Variants in DOCK1 observed in about 807,000 individuals in gnomAD.
DOCK1 encodes dedicator of cytokinesis 1.
Under a neutral mutation model 262.7 loss-of-function variants are expected in DOCK1, and 138 were observed. That is an observed-to-expected ratio of 0.53 (90% CI 0.46 to 0.61). The LOEUF is 0.61. DOCK1 is among the 20% of genes least tolerant of loss of function. The pLI, the probability that DOCK1 is intolerant of heterozygous loss-of-function variation, is 0.00. For missense variants in DOCK1, 1,908 were observed against 2,370.7 expected (o/e 0.80, Z 4.05); for synonymous variants, 866 against 867.4 (o/e 1.00, Z 0.03).
At chr10:127,040,490 TG>T (rs2043948648) in intron 19 of DOCK1, among the ~76,000 whole-genome samples, 1 of 152,218 alleles carries the variant, frequency 6.6e-6, no homozygotes, top group African/African-American at 2.4e-5. Context: ...ATGCTGGGCA[TG>T]CTGGACATCC....
chr10:126,908,448 A>AACGAATC (rs2031270667), intron 1 of DOCK1, among the ~76,000 whole-genome samples: 1 of 152,172 alleles, frequency 6.6e-6, no homozygotes, highest in Non-Finnish European at 1.5e-5. Context: ...TTGGCCCATG[A>AACGAATC]ACGAATCACG....
intron 29 of DOCK1, among the ~76,000 whole-genome samples, chr10:127,332,723 A>G (rs1302060697): frequency 3.9e-5 from 6 of 152,104 alleles, no homozygotes; most frequent in Non-Finnish European, 8.8e-5. Flanking sequence ...CTTAGAAGTC[A>G]CTTCTTTCCA....
chr10:127,214,540 TA>T (rs2058119983), intron 27 of DOCK1, among the ~76,000 whole-genome samples: 2 of 152,328 alleles, frequency 1.3e-5, no homozygotes, highest in African/African-American at 4.8e-5. Flanking sequence ...CTTAGCTGAA[TA>T]ATACTCCTGT....
chr10:127,375,124 T>C (rs2065419029), intron 35 of DOCK1, among the ~76,000 whole-genome samples: 1 of 152,214 alleles, frequency 6.6e-6, no homozygotes, highest in African/African-American at 2.4e-5. Context: ...GTCATTGTGG[T>C]CCCTAATCCA....
intron 1 of DOCK1, among the ~76,000 whole-genome samples, chr10:126,909,271 A>C (rs1243883943): frequency 6.6e-6 from 1 of 152,132 alleles, no homozygotes; most frequent in Non-Finnish European, 1.5e-5. Context: ...AGTTACAAAG[A>C]ATTGGATCCT....
At chr10:127,017,090 C>T (rs2042013895) in intron 12 of DOCK1, among the ~76,000 whole-genome samples, 1 of 101,032 alleles carries the variant, frequency 9.9e-6, no homozygotes, top group African/African-American at 4.1e-5. Flanking sequence ...AGATACACCA[C>T]AAACACATAC....
intron 1 of DOCK1, among the ~76,000 whole-genome samples, chr10:126,925,705 TACAC>T (rs1243883485): frequency 1.3e-5 from 2 of 149,540 alleles, no homozygotes; most frequent in East Asian, 2.0e-4. Context: ...TCTAAACACA[TACAC>T]ACACATTGCA....
intron 23 of DOCK1, among the ~76,000 whole-genome samples, chr10:127,104,166 G>T (rs1342313149): frequency 1.3e-5 from 2 of 152,106 alleles, no homozygotes; most frequent in East Asian, 3.9e-4. Flanking sequence ...TGTGTATTCT[G>T]TGTACTAATC....
intron 21 of DOCK1, among the ~76,000 whole-genome samples, chr10:127,045,069 G>A (rs531134104): frequency 1.5e-4 from 23 of 151,956 alleles, no homozygotes; most frequent in African/African-American, 5.3e-4. Flanking sequence ...GTGGTGGCAC[G>A]TGCCTGTAGT....
At chr10:127,188,387 T>TA (rs1432053891) in intron 27 of DOCK1, among the ~76,000 whole-genome samples, 2 of 152,204 alleles carry the variant, frequency 1.3e-5, no homozygotes, top group African/African-American at 2.4e-5. Flanking sequence ...CACTTTTTTT[T>TA]ATGTATATAT....
At chr10:127,167,717 G>C (rs746771684) in intron 27 of DOCK1, among the ~76,000 whole-genome samples, 1 of 151,974 alleles carries the variant, frequency 6.6e-6, no homozygotes, top group African/African-American at 2.4e-5. Context: ...CGCTACATCA[G>C]CTCCCCTGCC....
In DOCK1 at chr10:127,353,638, C is replaced by T. The variant is rs998353623; in HGVS notation, c.3225-1031C>T. ...GTCCTGGTAGGGAGTGGCCTAGGCT[C>T]CAGTTCCTTTTCTTCACCAGCACTG... On this transcript the variant is annotated intron_variant, in intron 31 of 51. Transcript: ENST00000623213. 2.0e-5 allele frequency among the ~76,000 whole-genome samples: 3 copies of T among 152,238 alleles called. No individual in the cohort carries two copies. In the South Asian group the frequency reaches 6.2e-4, roughly 31 times the overall value.
At chr10:127,316,199 T>G (rs1446330537) in intron 29 of DOCK1, among the ~76,000 whole-genome samples, 2 of 152,190 alleles carry the variant, frequency 1.3e-5, no homozygotes, top group Non-Finnish European at 2.9e-5. Context: ...CGTAGCAAAT[T>G]TCCAGCATAT....
intron 23 of DOCK1, among the ~76,000 whole-genome samples, chr10:127,062,316 T>C (rs2045588819): frequency 6.6e-6 from 1 of 152,214 alleles, no homozygotes; most frequent in Non-Finnish European, 1.5e-5. Flanking sequence ...GATATTTCAG[T>C]ACAGGTATAC....
At chr10:127,054,043 A>T (rs1564766504) in intron 22 of DOCK1, among the ~76,000 whole-genome samples, 1 of 152,224 alleles carries the variant, frequency 6.6e-6, no homozygotes, top group South Asian at 2.1e-4. Context: ...TTTGAAAAGC[A>T]TGGTGCCCTT....
intron 27 of DOCK1, among the ~76,000 whole-genome samples, chr10:127,211,378 CT>C (rs2057965404): frequency 6.6e-6 from 1 of 152,192 alleles, no homozygotes; most frequent in Non-Finnish European, 1.5e-5. Context: ...CCTAATACCC[CT>C]GATAAGCATG....
At chr10:127,266,845 C>G (rs981907672) in intron 29 of DOCK1, among the ~76,000 whole-genome samples, 1 of 152,178 alleles carries the variant, frequency 6.6e-6, no homozygotes, top group African/African-American at 2.4e-5. Flanking sequence ...AGAAAACTGG[C>G]CTAACCTGAG....
At chr10:127,277,532 T>A (rs965341303) in intron 29 of DOCK1, among the ~76,000 whole-genome samples, 2 of 152,134 alleles carry the variant, frequency 1.3e-5, no homozygotes, top group African/African-American at 4.8e-5. Flanking sequence ...CCGAGGCAGG[T>A]GGATCACCTG....
intron 4 of DOCK1, among the ~76,000 whole-genome samples, chr10:126,984,316 C>CA (rs948586470): frequency 6.6e-6 from 1 of 151,552 alleles, no homozygotes; most frequent in Non-Finnish European, 1.5e-5. Flanking sequence ...ATTCTCTTTT[C>CA]AAAAAAAATT....
Sources: gnomAD v4.1 joint callset for allele counts (sites outside exome capture counted in the v4.1 genomes callset) on GRCh38, gnomAD v4.1.1 for gene constraint, MANE v1.5 for transcripts, NCBI Gene and HGNC (gene_info 2026-07-23, HGNC 2026-07-21) for gene names.